FARS2: variants seen among roughly 807,000 people sequenced by gnomAD.
FARS2 encodes the protein phenylalanyl-tRNA synthetase 2, mitochondrial.
In FARS2, 40 loss-of-function variants were observed where a neutral mutation model predicts 46.4. The ratio of observed to expected loss-of-function variants is 0.86; its 90% CI spans 0.67 to 1.12. FARS2 has a LOEUF of 1.12. Among genes scored for constraint, FARS2 ranks in the 50% most tolerant of loss-of-function variants. FARS2 has a pLI of 0.00. For synonymous variants in FARS2, 234 were observed against 214.9 expected (o/e 1.09, Z -0.78); for missense variants, 513 against 567.9 (o/e 0.90, Z 0.98).
At chr6:5,529,377 G>A (rs950171156) in intron 4 of FARS2, among the ~76,000 whole-genome samples, 4 of 151,974 alleles carry the variant, frequency 2.6e-5, no homozygotes, top group African/African-American at 4.8e-5. Context: ...GCACAATCTC[G>A]GCGCACTGCA....
chr6:5,507,612 A>G (rs1303165680), intron 4 of FARS2, among the ~76,000 whole-genome samples: 2 of 152,248 alleles, frequency 1.3e-5, no homozygotes, highest in Non-Finnish European at 2.9e-5. Flanking sequence ...AAGAGGAAGC[A>G]GAGCTGTTCA....
At chr6:5,279,803 A>G (rs1766599542) in intron 1 of FARS2, among the ~76,000 whole-genome samples, 1 of 152,086 alleles carries the variant, frequency 6.6e-6, no homozygotes, top group Non-Finnish European at 1.5e-5. Context: ...TTACTCAGCC[A>G]TTTTTCTATT....
chr6:5,285,225 G>A lies in FARS2; in HGVS notation c.-22+23565G>A, dbSNP rs566328756. Among the ~76,000 whole-genome samples the A allele has an allele frequency of 2.6e-4, 39 of 152,242 alleles. 1 individual carries two copies. In the South Asian group the frequency reaches 6.0e-3, roughly 23 times the overall value. On this transcript the variant is annotated intron_variant, in intron 1 of 6. Transcript: ENST00000274680. ...AGAAGCAGTCAGGGTGAGAAGCATC[G>A]GATGCAGTGACGGAAGAGGCCAAAG...
At chr6:5,473,975 C>T (rs1400548749) in intron 4 of FARS2, among the ~76,000 whole-genome samples, 1 of 152,162 alleles carries the variant, frequency 6.6e-6, no homozygotes, top group Non-Finnish European at 1.5e-5. Flanking sequence ...CCAGTCTATC[C>T]ATGAATGATT....
intron 5 of FARS2, among the ~76,000 whole-genome samples, chr6:5,582,722 G>C (rs1429752457): frequency 6.6e-6 from 1 of 152,228 alleles, no homozygotes; most frequent in African/African-American, 2.4e-5. Flanking sequence ...CTTTTAGTCA[G>C]ATTTCACCAA....
chr6:5,765,536 C>T lies in FARS2; in HGVS notation c.1218-5755C>T, dbSNP rs921605333. 1.2e-4 allele frequency among the ~76,000 whole-genome samples: 18 copies of T among 152,100 alleles called. No individual in the cohort carries two copies. The highest frequency in any genetic ancestry group is 2.6e-4 in the Non-Finnish European group (18 of 68,010). On this transcript the variant is annotated intron_variant, in intron 6 of 6. Coordinates refer to ENST00000274680, the MANE Select transcript of FARS2 (RefSeq NM_006567.5). This position sits in a 1 kb window ranked among gnomAD's most constrained non-coding sequence, Gnocchi z 4.0. The stretch of plus-strand genomic sequence containing the variant: ...TCCTAGCAGGCAGGATAACCTGAAG[C>T]CCTCTGGTGGGCCCTGTAGTGCCGC...
chr6:5,711,538 A>G (rs1759168352), intron 6 of FARS2, among the ~76,000 whole-genome samples: 1 of 152,222 alleles, frequency 6.6e-6, no homozygotes, highest in Non-Finnish European at 1.5e-5. Flanking sequence ...GAGTGAAGCC[A>G]GGCTGACAGT....
intron 3 of FARS2, among the ~76,000 whole-genome samples, chr6:5,406,779 G>A (rs1382121219): frequency 6.6e-6 from 1 of 150,896 alleles, no homozygotes; most frequent in East Asian, 2.0e-4. Flanking sequence ...CATAAACATA[G>A]GTATATGTTT....
chr6:5,459,664 A>G (rs541463526), intron 4 of FARS2, among the ~76,000 whole-genome samples: 3 of 152,128 alleles, frequency 2.0e-5, no homozygotes, highest in Non-Finnish European at 4.4e-5. Context: ...TTTTTAAAAA[A>G]AGACTTCTAT....
In FARS2 at chr6:5,516,485, C is replaced by T. The variant is rs190704907; in HGVS notation, c.905-28695C>T. Among the ~76,000 whole-genome samples, 34 of 152,252 alleles carry T rather than the reference C, an allele frequency of 2.2e-4. No individual in the cohort carries two copies. In the South Asian group the frequency reaches 4.8e-3, roughly 21 times the overall value. ...TGCATAGTTGACACAGCCACAGAAG[C>T]GGAGTGCTGTAACGAAAGCTATAGG... On this transcript the variant is annotated intron_variant, in intron 4 of 6. Transcript: ENST00000274680.
At chr6:5,294,944 G>A (rs1767753277) in intron 1 of FARS2, among the ~76,000 whole-genome samples, 1 of 152,156 alleles carries the variant, frequency 6.6e-6, no homozygotes, top group African/African-American at 2.4e-5. Context: ...GAAAGCTGAG[G>A]GAACATACAG....
intron 6 of FARS2, among the ~76,000 whole-genome samples, chr6:5,706,196 A>G (rs1758747617): frequency 6.6e-6 from 1 of 152,174 alleles, no homozygotes; most frequent in Non-Finnish European, 1.5e-5. Context: ...AGAATCTAAT[A>G]CTGCCGCTGA....
At chr6:5,270,672 A>G (rs1422767999) in intron 1 of FARS2, among the ~76,000 whole-genome samples, 6 of 152,342 alleles carry the variant, frequency 3.9e-5, no homozygotes, top group Non-Finnish European at 8.8e-5. Context: ...TTTTTATATC[A>G]CCTTCTCTCC....
At chr6:5,336,682 A>G (rs1008106175) in intron 1 of FARS2, among the ~76,000 whole-genome samples, 4 of 152,116 alleles carry the variant, frequency 2.6e-5, no homozygotes, top group Non-Finnish European at 4.4e-5. Flanking sequence ...TTTAAAATGT[A>G]CAATTGTTAC....
At chr6:5,592,414 A>AAAC (rs1043600094) in intron 5 of FARS2, among the ~76,000 whole-genome samples, 1 of 152,002 alleles carries the variant, frequency 6.6e-6, no homozygotes, top group African/African-American at 2.4e-5. Context: ...AAGAAAAACA[A>AAAC]AACAACAACA....
intron 1 of FARS2, among the ~76,000 whole-genome samples, chr6:5,346,911 GT>G (rs35923995): frequency 0.18 from 26,310 of 144,998 alleles, 2,721 homozygotes; most frequent in East Asian, 0.48. Context: ...CATTCATTAG[GT>G]TTTTTTTTTT....
At chr6:5,517,641 T>C (rs568478594) in intron 4 of FARS2, among the ~76,000 whole-genome samples, 55 of 151,554 alleles carry the variant, frequency 3.6e-4, no homozygotes, top group African/African-American at 1.2e-3. Flanking sequence ...GACATATATA[T>C]ACACACACAT....
At chr6:5,706,620 G>A (rs1463603866) in intron 6 of FARS2, among the ~76,000 whole-genome samples, 1 of 152,128 alleles carries the variant, frequency 6.6e-6, no homozygotes, top group Non-Finnish European at 1.5e-5. Context: ...TTCCTACAAG[G>A]AAGACCATAT....
chr6:5,746,313 G>A (rs566615290), intron 6 of FARS2, among the ~76,000 whole-genome samples: 39 of 152,138 alleles, frequency 2.6e-4, no homozygotes, highest in Non-Finnish European at 5.0e-4. Flanking sequence ...TTTAAAGAGC[G>A]TGTGTCTGTG....
Sources: gnomAD v4.1 joint callset for allele counts (sites outside exome capture counted in the v4.1 genomes callset) on GRCh38, gnomAD v4.1.1 for gene constraint, Gnocchi (gnomAD v3.1) non-coding constraint, MANE v1.5 for transcripts, NCBI Gene and HGNC (gene_info 2026-07-23, HGNC 2026-07-21) for gene names.